Variants in FRMD4B observed in about 807,000 individuals in gnomAD.
FRMD4B encodes the protein FERM domain-containing protein 4B.
A neutral mutation model predicts 141.5 loss-of-function variants in FRMD4B; 74 were observed. The observed-to-expected ratio is 0.52, with a 90% CI of 0.43 to 0.63. FRMD4B has a LOEUF of 0.63. FRMD4B is among the 30% of genes least tolerant of loss of function. FRMD4B has a pLI of 0.00. For synonymous variants in FRMD4B, 506 were observed against 467.9 expected (o/e 1.08, Z -1.05); for missense variants, 1,366 against 1,253.4 (o/e 1.09, Z -1.36).
Position 69,433,760 on chromosome 3 carries a change from C to T in FRMD4B, c.-128-999G>A, listed in dbSNP as rs569466022. On this transcript the variant is annotated intron_variant, in intron 1 of 5. Coordinates refer to the FRMD4B transcript ENST00000459638. ...CCTACAGGCAATAATTTTTAGTACC[C>T]CTTTAGGAGGAAAACATGTTGGGCA... is the stretch of plus-strand genomic sequence containing the variant. 5.3e-5 allele frequency among the ~76,000 whole-genome samples: 8 copies of T among 152,256 alleles called. 1 individual carries two copies. In the South Asian group the frequency reaches 1.7e-3, roughly 32 times the overall value.
chr3:69,330,581 G>A (rs1199614686), intron 1 of FRMD4B, among the ~76,000 whole-genome samples: 5 of 151,388 alleles, frequency 3.3e-5, no homozygotes, highest in Non-Finnish European at 7.4e-5. Context: ...TCCTGACCTC[G>A]TGATCTGCCC....
intron 1 of FRMD4B, among the ~76,000 whole-genome samples, chr3:69,339,914 T>C (rs1702678825): frequency 6.6e-6 from 1 of 152,006 alleles, no homozygotes; most frequent in East Asian, 1.9e-4. Context: ...TAGGTTCTGA[T>C]TGAACCTAAT....
intron 1 of FRMD4B, among the ~76,000 whole-genome samples, chr3:69,473,529 G>C (rs900546797): frequency 6.6e-6 from 1 of 152,076 alleles, no homozygotes; most frequent in East Asian, 1.9e-4. Flanking sequence ...TTTTCATATA[G>C]CCATCTTGCA....
intron 1 of FRMD4B, among the ~76,000 whole-genome samples, chr3:69,363,649 A>T (rs564240014): frequency 6.6e-6 from 1 of 152,082 alleles, no homozygotes; most frequent in African/African-American, 2.4e-5. Context: ...TTGGCCTCCC[A>T]AAGTGCTAGG....
intron 1 of FRMD4B, among the ~76,000 whole-genome samples, chr3:69,495,074 G>C (rs903942687): frequency 2.0e-5 from 3 of 152,160 alleles, no homozygotes; most frequent in Non-Finnish European, 4.4e-5. Flanking sequence ...AGAAGTGGTT[G>C]CAAGGTATAG....
At chr3:69,462,484 G>A (rs1023714016) in intron 1 of FRMD4B, among the ~76,000 whole-genome samples, 9 of 152,194 alleles carry the variant, frequency 5.9e-5, no homozygotes, top group African/African-American at 2.2e-4. Flanking sequence ...TCTGGGGTAG[G>A]CCCAGGGCCA....
intron 11 of FRMD4B, among the ~76,000 whole-genome samples, chr3:69,206,850 T>C (rs919752635): frequency 4.4e-5 from 1 of 22,494 alleles, no homozygotes; most frequent in Non-Finnish European, 7.0e-4. Flanking sequence ...TTGGGCTTAA[T>C]ACATTTTTTT....
chr3:69,511,380 C>T (rs1416053403), intron 1 of FRMD4B, among the ~76,000 whole-genome samples: 1 of 152,082 alleles, frequency 6.6e-6, no homozygotes, highest in South Asian at 2.1e-4. Context: ...CTGAGGATAC[C>T]TAGGCAAAAC....
At chr3:69,204,318 C>G (rs2093000443) in intron 11 of FRMD4B, among the ~76,000 whole-genome samples, 1 of 152,064 alleles carries the variant, frequency 6.6e-6, no homozygotes, top group African/African-American at 2.4e-5. Context: ...AGGTAGATGC[C>G]ACCTAAAGGC....
chr3:69,217,585 G>A (rs538654365), intron 10 of FRMD4B, among the ~76,000 whole-genome samples: 229 of 152,294 alleles, frequency 1.5e-3, no homozygotes, highest in Non-Finnish European at 2.6e-3. Context: ...TCACGCCACT[G>A]CACTCCAGAC....
In FRMD4B at chr3:69,477,837, A is replaced by G. The variant is rs1168266526; in HGVS notation, c.-128-45076T>C. On this transcript the variant is annotated intron_variant, in intron 1 of 5. Coordinates refer to the FRMD4B transcript ENST00000459638. ...CGGCTGTGAATCCCTCTGGTCCTGG[A>G]CTCTTTTTGGTTGGTAAGCTATTGA... Among the ~76,000 whole-genome samples, 4 of 149,426 alleles carry G rather than the reference A, an allele frequency of 2.7e-5. No individual in the cohort carries two copies. In the South Asian group the frequency reaches 8.6e-4, roughly 32 times the overall value.
rs769501472 is a variant in FRMD4B, at chr3:69,313,526, A to G, written c.163-9T>C. 5.8e-6 allele frequency: 9 copies of G among 1,553,496 alleles called. No homozygotes were observed. The East Asian group carries it at 2.1e-4, about 37-fold the overall frequency. On this transcript the variant is annotated splice_polypyrimidine_tract_variant and intron_variant, in intron 1 of 22. Coordinates refer to ENST00000398540, the MANE Select transcript of FRMD4B (RefSeq NM_015123.3). ...TGCCTGCCTTCTGTCATCTGCAGGA[A>G]CAAGACAGCAAGAGTGGTGTCAGGG...
chr3:69,368,446 G>C (rs57343519), intron 1 of FRMD4B, among the ~76,000 whole-genome samples: 26,534 of 152,206 alleles, frequency 0.17, 2,566 homozygotes, highest in African/African-American at 0.24. Context: ...GCTGAGGAAG[G>C]CACTGTGGTT....
chr3:69,240,823 G>A (rs1364872358), intron 7 of FRMD4B, among the ~76,000 whole-genome samples: 1 of 152,186 alleles, frequency 6.6e-6, no homozygotes, highest in Non-Finnish European at 1.5e-5. Flanking sequence ...CTTATCAGCG[G>A]GGGAATGTAG....
At chr3:69,446,601 A>AT in intron 1 of FRMD4B, among the ~76,000 whole-genome samples, 1 of 152,098 alleles carries the variant, frequency 6.6e-6, no homozygotes, top group East Asian at 1.9e-4. Context: ...AAATGCTGAG[A>AT]TTACAGGCGT....
rs192186666 is a variant in FRMD4B at position 69,211,058 on chromosome 3, T to G, written c.876+5205A>C. ...AAAAAAAAGAAAGAAAATTTGAGAG[T>G]GGATTCTTAGTACACTAAAGCTGTG... On this transcript the variant is annotated intron_variant, in intron 11 of 22. Coordinates refer to ENST00000398540, the MANE Select transcript of FRMD4B (RefSeq NM_015123.3). 1.8e-3 allele frequency among the ~76,000 whole-genome samples: 248 copies of G among 140,268 alleles called. 2 individuals carry two copies. Among genetic ancestry groups the G allele is most frequent in the East Asian group, 3.5e-3 (17 of 4,812 alleles). 92.0% of individuals were successfully genotyped at this position (140,268 alleles called of 152,430 possible).
intron 1 of FRMD4B, among the ~76,000 whole-genome samples, chr3:69,528,138 C>G (rs769246255): frequency 2.8e-4 from 43 of 152,154 alleles, no homozygotes; most frequent in Non-Finnish European, 3.4e-4. Flanking sequence ...AAATATCTCT[C>G]TGCCCAAGAA....
intron 2 of FRMD4B, among the ~76,000 whole-genome samples, chr3:69,427,655 T>G (rs1373442205): frequency 5.6e-5 from 7 of 124,242 alleles, no homozygotes; most frequent in African/African-American, 1.3e-4. Flanking sequence ...TTTTTTTTTT[T>G]TTTTTTTTTT....
rs552133581 is a variant in FRMD4B, at chr3:69,446,609, C to T, written c.-128-13848G>A. Among the ~76,000 whole-genome samples the T allele has an allele frequency of 1.1e-4, 16 of 152,270 alleles. No individual in the cohort carries two copies. In the South Asian group the frequency reaches 2.3e-3, roughly 22 times the overall value. ...CCTCTCAAAATGCTGAGATTACAGG[C>T]GTGAGTCACCCGCGCCAGGCCATGT... is the stretch of plus-strand genomic sequence containing the variant. On this transcript the variant is annotated intron_variant, in intron 1 of 5. Coordinates refer to the FRMD4B transcript ENST00000459638.
Sources: gnomAD v4.1 joint callset for allele counts (sites outside exome capture counted in the v4.1 genomes callset) on GRCh38, gnomAD v4.1.1 for gene constraint, MANE v1.5 for transcripts, NCBI Gene and HGNC (gene_info 2026-07-23, HGNC 2026-07-21) for gene names.